Variants in FNDC3B observed in about 807,000 individuals in gnomAD.
FNDC3B encodes fibronectin type III domain containing 3B, also known as fibronectin type III domain-containing protein 3B.
FNDC3B carries 12 observed loss-of-function variants against 151.5 expected under a neutral mutation model. The ratio of observed to expected loss-of-function variants is 0.08; its 90% CI spans 0.05 to 0.13. The LOEUF (loss-of-function observed/expected upper bound fraction) is 0.13, where lower values mean the gene tolerates loss of function less well. Ranked by LOEUF, FNDC3B falls within the 10% of genes least tolerant of loss-of-function variation. The pLI is 1.00. For synonymous variants in FNDC3B, 528 were observed against 549.0 expected (o/e 0.96, Z 0.54); for missense variants, 1,214 against 1,505.3 (o/e 0.81, Z 3.20).
intron 6 of FNDC3B, among the ~76,000 whole-genome samples, chr3:172,253,275 C>T (rs1728174914): frequency 6.6e-6 from 1 of 152,192 alleles, no homozygotes. Context: ...TAAGATGAAG[C>T]AGGGTTCCAG....
intron 23 of FNDC3B, among the ~76,000 whole-genome samples, chr3:172,363,408 C>T (rs1490719116): frequency 1.3e-5 from 2 of 152,112 alleles, no homozygotes; most frequent in East Asian, 1.9e-4. Flanking sequence ...TAGCCTTTCA[C>T]GTAGTATTTG....
chr3:172,290,265 T>C (rs1386847973), intron 7 of FNDC3B, among the ~76,000 whole-genome samples: 1 of 152,196 alleles, frequency 6.6e-6, no homozygotes, highest in Non-Finnish European at 1.5e-5. Context: ...ATTGAGCAAG[T>C]CTTTTACTCT....
chr3:172,212,172 T>G (rs916208931), intron 3 of FNDC3B, among the ~76,000 whole-genome samples: 3 of 152,210 alleles, frequency 2.0e-5, no homozygotes, highest in African/African-American at 7.2e-5. Flanking sequence ...TTAGCCAAAT[T>G]ATAGTCATCT....
At chr3:172,176,374 T>C (rs1380953738) in intron 3 of FNDC3B, among the ~76,000 whole-genome samples, 1 of 152,230 alleles carries the variant, frequency 6.6e-6, no homozygotes, top group Non-Finnish European at 1.5e-5. Context: ...TGGTAGTTTC[T>C]AGTGAGATTT....
In FNDC3B at chr3:172,040,145, A is replaced by C. The variant is rs1483214739; in HGVS notation, c.-29+374A>C. ...CCTTCCCAGCAGATTTTGTCCGAGG[A>C]ATCCGCTCCCCCTCCCGGAATCTCC... On this transcript the variant is annotated intron_variant, in intron 1 of 25. Coordinates refer to ENST00000415807, the MANE Select transcript of FNDC3B (RefSeq NM_022763.4). This position sits in a 1 kb window ranked among gnomAD's most constrained non-coding sequence, Gnocchi z 6.6. 2.0e-5 allele frequency among the ~76,000 whole-genome samples: 3 copies of C among 152,040 alleles called. 1 individual carries two copies. Among genetic ancestry groups the C allele is most frequent in the South Asian group, 4.1e-4 (2 of 4,834 alleles).
At chr3:172,236,386 C>G (rs1185024623) in intron 4 of FNDC3B, among the ~76,000 whole-genome samples, 1 of 152,154 alleles carries the variant, frequency 6.6e-6, no homozygotes, top group Non-Finnish European at 1.5e-5. Flanking sequence ...GCTGAAGATT[C>G]CTCAGCTAGA....
intron 3 of FNDC3B, among the ~76,000 whole-genome samples, chr3:172,220,733 G>A (rs1726238452): frequency 6.6e-6 from 1 of 152,002 alleles, no homozygotes; most frequent in Non-Finnish European, 1.5e-5. Flanking sequence ...TCTATTTGGA[G>A]TCCCTGGAAT....
Position 172,397,427 on chromosome 3 carries a change from T to G in FNDC3B, c.3567T>G (p.Thr1189=). ...CCATCATTGTGCTTGGCTTTGCAAC[T>G]TTGTCCATTTTATTTGCCTTTATAT... The part of the protein sequence containing the change: ...FAAIIVLGFA[T]LSILFAFILQ... The change falls in exon 26 of 26, where the codon ACT becomes ACG. Residue 1189 remains threonine (T), a synonymous_variant. Transcript: ENST00000415807. The G allele has an allele frequency of 6.2e-7, 1 of 1,613,094 alleles. No homozygotes were observed. The highest frequency in any genetic ancestry group is 8.5e-7 in the Non-Finnish European group (1 of 1,179,688).
chr3:172,324,332 G>A (rs1732235076), intron 11 of FNDC3B, among the ~76,000 whole-genome samples: 1 of 152,116 alleles, frequency 6.6e-6, no homozygotes. Flanking sequence ...CCTCGTCCCT[G>A]GTTGGAAAAC....
At chr3:172,286,191 G>A (rs1476193265) in intron 7 of FNDC3B, among the ~76,000 whole-genome samples, 1 of 152,092 alleles carries the variant, frequency 6.6e-6, no homozygotes, top group East Asian at 1.9e-4. Flanking sequence ...GTAATCTACT[G>A]AAATGTCTTC....
chr3:172,297,713 A>T (rs534778188), intron 8 of FNDC3B, among the ~76,000 whole-genome samples: 1 of 152,122 alleles, frequency 6.6e-6, no homozygotes, highest in South Asian at 2.1e-4. Context: ...TGACCTCGTG[A>T]TCCGCCCTCC....
At chr3:172,128,012 T>C (rs1316179863) in intron 2 of FNDC3B, among the ~76,000 whole-genome samples, 1 of 152,222 alleles carries the variant, frequency 6.6e-6, no homozygotes, top group Non-Finnish European at 1.5e-5. Context: ...TTAAAACTTT[T>C]GGAGTAGTGG....
At chr3:172,123,558 CA>C (rs1720660965) in intron 2 of FNDC3B, among the ~76,000 whole-genome samples, 1 of 152,108 alleles carries the variant, frequency 6.6e-6, no homozygotes, top group Admixed American at 6.5e-5. Flanking sequence ...CATTCTAGTT[CA>C]AGGGAGAAGC....
intron 11 of FNDC3B, among the ~76,000 whole-genome samples, chr3:172,317,963 A>G (rs6779256): frequency 0.18 from 28,137 of 152,180 alleles, 3,763 homozygotes; most frequent in African/African-American, 0.38. Context: ...GGAGTCCCCA[A>G]AAACCTTCCT....
intron 11 of FNDC3B, among the ~76,000 whole-genome samples, chr3:172,324,872 G>C (rs755626303): frequency 6.6e-6 from 1 of 152,246 alleles, no homozygotes. Context: ...AGGGACTCCA[G>C]TGTCACCTTA....
At chr3:172,257,228 G>A (rs1234944426) in intron 6 of FNDC3B, among the ~76,000 whole-genome samples, 1 of 152,150 alleles carries the variant, frequency 6.6e-6, no homozygotes, top group Non-Finnish European at 1.5e-5. Context: ...ACTTTTTTAT[G>A]TATAAAAATT....
At chr3:172,359,145 G>A (rs1015735653) in intron 22 of FNDC3B, among the ~76,000 whole-genome samples, 5 of 152,076 alleles carry the variant, frequency 3.3e-5, no homozygotes, top group African/African-American at 1.2e-4. Flanking sequence ...GGGAGGCTTT[G>A]AGGAAGGAAA....
rs368681307 is a variant in FNDC3B, at chr3:172,114,320, GA to G, written c.111+1740del. Among the ~76,000 whole-genome samples, 805 of 146,518 alleles carry G rather than the reference GA, an allele frequency of 5.5e-3. 4 individuals carry two copies. The highest frequency in any genetic ancestry group is 0.019 in the African/African-American group (754 of 40,036). ...CAATTAAAAGAATTACTAATACAAA[GA>G]AAAAAAAAAGACAAGGTATTTAGTC... On this transcript the variant is annotated intron_variant, in intron 2 of 25. Transcript: ENST00000415807.
At chr3:172,385,041 C>T (rs1414704123) in intron 25 of FNDC3B, among the ~76,000 whole-genome samples, 1 of 151,790 alleles carries the variant, frequency 6.6e-6, no homozygotes, top group Non-Finnish European at 1.5e-5. Context: ...TGAAAAGCCA[C>T]AGTTGAGTCA....
Sources: gnomAD v4.1 joint callset for allele counts (sites outside exome capture counted in the v4.1 genomes callset) on GRCh38, gnomAD v4.1.1 for gene constraint, Gnocchi (gnomAD v3.1) non-coding constraint, MANE v1.5 for transcripts, NCBI Gene and HGNC (gene_info 2026-07-23, HGNC 2026-07-21) for gene names.